CSNK1A1: variants seen among roughly 807,000 people sequenced by gnomAD.
The protein encoded by CSNK1A1 is casein kinase I isoform alpha.
CSNK1A1 carries 7 observed loss-of-function variants against 46.1 expected under a neutral mutation model. The ratio of observed to expected loss-of-function variants is 0.15; its 90% confidence interval spans 0.09 to 0.29. The LOEUF (loss-of-function observed/expected upper bound fraction) is 0.29, where lower values mean the gene tolerates loss of function less well. CSNK1A1 is among the 10% of genes least tolerant of loss of function. The pLI, the probability that CSNK1A1 is intolerant of heterozygous loss-of-function variation, is 1.00. For synonymous variants in CSNK1A1, 137 were observed against 141.5 expected, an observed-to-expected ratio of 0.97 and a Z score of 0.23; for missense variants, 96 against 417.1, an observed-to-expected ratio of 0.23 and a Z score of 6.71.
At chr5:149,543,174 T>A (rs538004112) in intron 2 of CSNK1A1, among the ~76,000 whole-genome samples, 1 of 152,242 alleles carries the variant, frequency 6.6e-6, no homozygotes, top group South Asian at 2.1e-4. Flanking sequence ...ACAGGATGGC[T>A]CTCCAGTATC....
intron 4 of CSNK1A1, 28 bp from the exon 5 acceptor site, chr5:149,513,237 G>C (rs1327394034): frequency 6.3e-7 from 1 of 1,598,616 alleles, no homozygotes; most frequent in East Asian, 2.2e-5. Flanking sequence ...AGAAACATTA[G>C]GTTTCCAACC....
chr5:149,504,524 C>T, intron 9 of CSNK1A1: 1 of 985,314 alleles, frequency 1.0e-6, no homozygotes, highest in Non-Finnish European at 1.2e-6. Flanking sequence ...AGGTAAGCCC[C>T]AGAAATGGGA....
At position 149,495,841 on chromosome 5, in the gene CSNK1A1, T is replaced by C. The variant is rs1210026914; in HGVS notation, c.*1012A>G. The C allele has an allele frequency of 6.6e-6, 1 of 152,098 alleles. No homozygotes were observed. Among genetic ancestry groups the C allele is most frequent in the African/African-American group, 2.4e-5 (1 of 41,288 alleles). 9.4% of individuals were successfully genotyped at this position (152,098 alleles called of 1,614,324 possible). A position where few individuals can be genotyped will look rare whatever the true frequency, so the allele number is the denominator to read the frequency against. ...ATTTTTCTTAAAAAAAGAGGAAAAGTTATAACACGAAACCTAAATTGACTT... is the reference window on the plus strand; with the variant it reads ...ATTTTTCTTAAAAAAAGAGGAAAAGCTATAACACGAAACCTAAATTGACTT... On this transcript the variant is annotated 3_prime_UTR_variant, in exon 10 of 10. Transcript: ENST00000377843.
intron 2 of CSNK1A1, among the ~76,000 whole-genome samples, chr5:149,549,083 C>T (rs766961891): frequency 3.3e-5 from 5 of 152,190 alleles, no homozygotes; most frequent in African/African-American, 1.2e-4. Context: ...ATCCTCGTTA[C>T]TGCTATTTGC....
intron 2 of CSNK1A1, among the ~76,000 whole-genome samples, chr5:149,544,174 G>A (rs1762390088): frequency 6.6e-6 from 1 of 152,130 alleles, no homozygotes; most frequent in East Asian, 1.9e-4. Context: ...AGGGTAGGCA[G>A]CCCTAAATCT....
intron 2 of CSNK1A1, among the ~76,000 whole-genome samples, chr5:149,542,620 A>G (rs185881151): frequency 4.7e-4 from 6 of 12,856 alleles, no homozygotes; most frequent in East Asian, 5.8e-3. Flanking sequence ...ATATATATAT[A>G]TATATATATA....
At chr5:149,542,414 C>A (rs1478631374) in intron 2 of CSNK1A1, among the ~76,000 whole-genome samples, 1 of 148,852 alleles carries the variant, frequency 6.7e-6, no homozygotes, top group Non-Finnish European at 1.5e-5. Flanking sequence ...GCACTTGAAT[C>A]ATCTCAAAAT....
chr5:149,499,012 T>G (rs1760740302), intron 9 of CSNK1A1: 1 of 985,462 alleles, frequency 1.0e-6, no homozygotes, highest in Non-Finnish European at 1.2e-6. Flanking sequence ...AAATCCAGCT[T>G]TAACTCTTCA....
chr5:149,501,415 C>T, intron 9 of CSNK1A1: 1 of 985,396 alleles, frequency 1.0e-6, no homozygotes, highest in Non-Finnish European at 1.2e-6. Context: ...GCTGAGTGAC[C>T]AGCACATTCC....
chr5:149,529,640 A>T, intron 2 of CSNK1A1: 1 of 454,910 alleles, frequency 2.2e-6, no homozygotes, highest in Admixed American at 2.4e-5. Context: ...ATGGGCTGTC[A>T]TAAAGGGAAG....
At chr5:149,531,568 C>G (rs1388527544) in intron 2 of CSNK1A1, among the ~76,000 whole-genome samples, 1 of 151,344 alleles carries the variant, frequency 6.6e-6, no homozygotes, top group African/African-American at 2.4e-5. Context: ...CAATTTTGAG[C>G]CAGGTGCAGT....
chr5:149,536,655 T>C (rs1234029669), intron 2 of CSNK1A1, among the ~76,000 whole-genome samples: 1 of 152,200 alleles, frequency 6.6e-6, no homozygotes, highest in Non-Finnish European at 1.5e-5. Context: ...AAAGGAATGA[T>C]ACAACCTCAA....
chr5:149,497,984 C>T (rs1267791963), intron 9 of CSNK1A1: 2 of 621,528 alleles, frequency 3.2e-6, no homozygotes, highest in Non-Finnish European at 4.0e-6. Context: ...TAGGTGCCTG[C>T]CACCATGCCT....
intron 2 of CSNK1A1, among the ~76,000 whole-genome samples, chr5:149,547,957 G>A (rs908128063): frequency 2.6e-5 from 4 of 151,696 alleles, no homozygotes; most frequent in African/African-American, 7.3e-5. Context: ...TGCAACCTCC[G>A]ACTCCCGGGT....
intron 9 of CSNK1A1, chr5:149,505,234 T>C (rs1760985557): frequency 7.7e-7 from 1 of 1,300,484 alleles, no homozygotes; most frequent in Non-Finnish European, 9.8e-7. Context: ...CACATATATG[T>C]ATATACAAAT....
intron 2 of CSNK1A1, among the ~76,000 whole-genome samples, chr5:149,526,824 A>G (rs1164888461): frequency 6.6e-6 from 1 of 152,166 alleles, no homozygotes; most frequent in African/African-American, 2.4e-5. Flanking sequence ...AGATCTATTC[A>G]GATAGGTCTC....
intron 2 of CSNK1A1, among the ~76,000 whole-genome samples, chr5:149,528,905 C>A (rs543050287): frequency 6.6e-6 from 1 of 152,248 alleles, no homozygotes; most frequent in South Asian, 2.1e-4. Context: ...TAGTCTGAAA[C>A]ACCAACACAA....
chr5:149,505,639 G>A, intron 8 of CSNK1A1, 44 bp from the exon 9 acceptor site: 1 of 1,528,110 alleles, frequency 6.5e-7, no homozygotes, highest in Non-Finnish European at 9.0e-7. Context: ...TAATAACAGA[G>A]TCCAGTTATA....
At chr5:149,545,634 A>G (rs1268303667) in intron 2 of CSNK1A1, 1 of 886,682 alleles carries the variant, frequency 1.1e-6, no homozygotes, top group Non-Finnish European at 1.8e-6. Flanking sequence ...GGGCCCTGCT[A>G]GCCTCAGCAA....
Sources: allele counts gnomAD v4.1 joint callset (sites outside exome capture counted in the v4.1 genomes callset), GRCh38; gene constraint gnomAD v4.1.1; transcripts MANE v1.5; gene names NCBI Gene and HGNC (gene_info 2026-07-23, HGNC 2026-07-21).